Variants in DPP6 observed in about 807,000 individuals in gnomAD.
The protein encoded by DPP6 is dipeptidyl peptidase like 6, also known as A-type potassium channel modulatory protein DPP6.
DPP6 carries 69 observed loss-of-function variants against 122.6 expected under a neutral mutation model. The ratio of observed to expected loss-of-function variants is 0.56; its 90% CI spans 0.46 to 0.69. The LOEUF (loss-of-function observed/expected upper bound fraction) is 0.69, where lower values mean the gene tolerates loss of function less well. DPP6 is among the 30% of genes least tolerant of loss of function. The pLI, the probability that DPP6 is intolerant of heterozygous loss-of-function variation, is 0.00. For missense variants in DPP6, 928 were observed against 1,116.9 expected (o/e 0.83, Z 2.41); for synonymous variants, 418 against 433.1 (o/e 0.97, Z 0.43).
chr7:154,032,403 A>G (rs1799290534), intron 1 of DPP6, among the ~76,000 whole-genome samples: 1 of 152,162 alleles, frequency 6.6e-6, no homozygotes, highest in East Asian at 1.9e-4. Flanking sequence ...AAGCGTATTT[A>G]TCCTTGTATA....
chr7:154,442,966 C>T (rs1302140582), intron 1 of DPP6, among the ~76,000 whole-genome samples: 1 of 152,270 alleles, frequency 6.6e-6, no homozygotes, highest in African/African-American at 2.4e-5. Context: ...CTTATTTACA[C>T]ACTGCTGTGC....
At chr7:154,443,507 C>CATGG (rs67554140) in intron 1 of DPP6, among the ~76,000 whole-genome samples, 2,576 of 146,344 alleles carry the variant, frequency 0.018, 29 homozygotes, top group Non-Finnish European at 0.022. Flanking sequence ...TTGACAGATA[C>CATGG]ATGGATGGAT....
rs549101986 is a variant in DPP6, at chr7:154,780,657, C to T, written c.1136+7715C>T. ...TGGTAAACTCCAAGGGTGTAAGTGA[C>T]ATCCGCAGTTTCTTCCCGTGGACCA... On this transcript the variant is annotated intron_variant, in intron 10 of 25. Transcript: ENST00000377770. 3.3e-5 allele frequency among the ~76,000 whole-genome samples: 5 copies of T among 152,358 alleles called. No individual in the cohort carries two copies. The East Asian group carries it at 9.6e-4, about 29-fold the overall frequency.
At chr7:154,592,173 T>G (rs921179156) in intron 5 of DPP6, among the ~76,000 whole-genome samples, 2 of 152,184 alleles carry the variant, frequency 1.3e-5, no homozygotes, top group African/African-American at 4.8e-5. Flanking sequence ...AACGGCGCCA[T>G]CATCGGTGCC....
In DPP6 at chr7:153,969,150, A is replaced by G. The variant is rs1795896248; in HGVS notation, c.51+81416A>G. ...AATTCCTGAGTCATGTGGTAACTCC[A>G]TGTTTAACCTGATGAACTAGAGGGA... On this transcript the variant is annotated intron_variant, in intron 1 of 25. Transcript: ENST00000404039. 2.0e-5 allele frequency among the ~76,000 whole-genome samples: 3 copies of G among 151,294 alleles called. No individual in the cohort carries two copies. The South Asian group carries it at 6.2e-4, about 31-fold the overall frequency.
chr7:153,989,055 G>A lies in DPP6; in HGVS notation c.51+101321G>A, dbSNP rs556759677. Among the ~76,000 whole-genome samples, 56 of 150,886 alleles carry A rather than the reference G, an allele frequency of 3.7e-4. No homozygotes were observed. In the East Asian group the frequency reaches 5.2e-3, roughly 14 times the overall value. ...CCTGCTCTTCCCCTGCCCTTTCCCA[G>A]AGAGCCCAGCTTCAGGGACAGCGCC... On this transcript the variant is annotated intron_variant, in intron 1 of 25. Coordinates refer to the DPP6 transcript ENST00000404039.
intron 1 of DPP6, among the ~76,000 whole-genome samples, chr7:154,037,404 T>A (rs1388132409): frequency 6.6e-6 from 1 of 151,532 alleles, no homozygotes; most frequent in Non-Finnish European, 1.5e-5. Flanking sequence ...CATGTATTTT[T>A]CAGGGGTTCA....
chr7:154,444,301 C>CAAAA (rs768049544), intron 1 of DPP6, among the ~76,000 whole-genome samples: 1 of 124,594 alleles, frequency 8.0e-6, no homozygotes, highest in African/African-American at 2.9e-5. Flanking sequence ...ACTAAATAGA[C>CAAAA]AAAAAAAAAA....
intron 1 of DPP6, among the ~76,000 whole-genome samples, chr7:154,398,568 G>A (rs1010098884): frequency 5.3e-5 from 8 of 151,916 alleles, no homozygotes; most frequent in Non-Finnish European, 1.0e-4. Context: ...CTATTTTATG[G>A]TCATATTTTT....
intron 1 of DPP6, among the ~76,000 whole-genome samples, chr7:153,955,409 C>T (rs1802413368): frequency 6.6e-6 from 1 of 152,020 alleles, no homozygotes; most frequent in Non-Finnish European, 1.5e-5. Flanking sequence ...TATAATAATA[C>T]TTGTTAGAAT....
chr7:154,025,195 TAAACC>T (rs774918434), intron 1 of DPP6, among the ~76,000 whole-genome samples: 1 of 151,258 alleles, frequency 6.6e-6, no homozygotes, highest in Non-Finnish European at 1.5e-5. Context: ...TAGAGGGATA[TAAACC>T]AATGAGAGTC....
At chr7:153,959,665 C>G (rs1236633263) in intron 1 of DPP6, among the ~76,000 whole-genome samples, 1 of 152,244 alleles carries the variant, frequency 6.6e-6, no homozygotes, top group Admixed American at 6.5e-5. Flanking sequence ...GAGGTAGGGC[C>G]TTGCCCTGGA....
intron 1 of DPP6, among the ~76,000 whole-genome samples, chr7:154,129,316 AT>A (rs1441355087): frequency 1.3e-5 from 2 of 152,060 alleles, no homozygotes; most frequent in Non-Finnish European, 2.9e-5. Flanking sequence ...TGTGAAAGCT[AT>A]TTCTAGTACC....
intron 1 of DPP6, among the ~76,000 whole-genome samples, chr7:154,381,707 C>A (rs539580812): frequency 6.6e-6 from 1 of 152,238 alleles, no homozygotes; most frequent in East Asian, 1.9e-4. Flanking sequence ...GTTAGGAAAC[C>A]AATTCTGTCT....
At chr7:154,167,855 T>C (rs2150721796) in intron 1 of DPP6, among the ~76,000 whole-genome samples, 1 of 152,346 alleles carries the variant, frequency 6.6e-6, no homozygotes, top group South Asian at 2.1e-4. Flanking sequence ...CCCTACAAAA[T>C]GTCAGGCTCC....
At chr7:153,858,370 G>A in the DPP6 span, among the ~76,000 whole-genome samples, 1 of 152,330 alleles carries the variant, frequency 6.6e-6, no homozygotes, top group East Asian at 1.9e-4. Flanking sequence ...TTTTCAGGGT[G>A]TCAGGTAAAA....
the DPP6 span, among the ~76,000 whole-genome samples, chr7:153,848,063 A>G: frequency 1.2e-4 from 19 of 152,188 alleles, no homozygotes; most frequent in African/African-American, 3.9e-4. Context: ...GTACGCAGAC[A>G]CAGGTTTTTT....
chr7:153,826,353 A>G, the DPP6 span, among the ~76,000 whole-genome samples: 2 of 152,290 alleles, frequency 1.3e-5, no homozygotes, highest in Non-Finnish European at 2.9e-5. Flanking sequence ...GGTTGCCTGA[A>G]CTGCTTTGGA....
At chr7:153,942,476 T>C (rs887107) in intron 1 of DPP6, among the ~76,000 whole-genome samples, 42,318 of 152,108 alleles carry the variant, frequency 0.28, 6,296 homozygotes, top group African/African-American at 0.37. Flanking sequence ...GATCCTTTGC[T>C]GAATGCTGCA....
Sources: allele counts gnomAD v4.1 joint callset (sites outside exome capture counted in the v4.1 genomes callset), GRCh38; gene constraint gnomAD v4.1.1; transcripts MANE v1.5; gene names NCBI Gene and HGNC (gene_info 2026-07-23, HGNC 2026-07-21).